BRINP1: variants seen among roughly 807,000 people sequenced by gnomAD.
BRINP1 encodes the protein BMP/retinoic acid inducible neural specific 1.
Under a neutral mutation model 72.9 loss-of-function variants are expected in BRINP1, and 17 were observed. The observed-to-expected ratio is 0.23, with a 90% confidence interval of 0.16 to 0.35. The LOEUF (loss-of-function observed/expected upper bound fraction) is 0.35, where lower values mean the gene tolerates loss of function less well. BRINP1 is among the 10% of genes least tolerant of loss of function. The probability of loss-of-function intolerance (pLI) is 1.00; values close to 1 mark genes in which losing one functional copy is unlikely to be tolerated. For missense variants in BRINP1, 850 were observed against 1,001.6 expected (o/e 0.85, Z 2.04); for synonymous variants, 418 against 378.5 (o/e 1.10, Z -1.21).
chr9:119,234,834 A>T (rs1333682170), intron 5 of BRINP1, among the ~76,000 whole-genome samples: 2 of 152,178 alleles, frequency 1.3e-5, no homozygotes, highest in Non-Finnish European at 2.9e-5. Context: ...CTGAACAGAC[A>T]GAATGAATCA....
At chr9:119,324,650 C>A (rs919264334) in intron 1 of BRINP1, among the ~76,000 whole-genome samples, 1 of 152,124 alleles carries the variant, frequency 6.6e-6, no homozygotes, top group Non-Finnish European at 1.5e-5. Context: ...TTAATGCTGA[C>A]CCTTGCTCTA....
chr9:119,318,059 T>A (rs565944859), intron 1 of BRINP1, among the ~76,000 whole-genome samples: 61 of 152,340 alleles, frequency 4.0e-4, no homozygotes, highest in African/African-American at 1.5e-3. Flanking sequence ...ATCTCTGAGA[T>A]ATGCCTGTAT....
intron 1 of BRINP1, among the ~76,000 whole-genome samples, chr9:119,339,504 C>T (rs2119021594): frequency 6.6e-6 from 1 of 152,298 alleles, no homozygotes; most frequent in Non-Finnish European, 1.5e-5. Flanking sequence ...TAGAACAATG[C>T]CTAGCACATA....
At position 119,352,026 on chromosome 9, in the gene BRINP1, G is replaced by A. The variant is rs546766149; in HGVS notation, c.-51+17030C>T. ...TTGGCCAGGCTGGTCTCGAACTCCCGACCTCAGATGATCCTTCTGCCTCAG... is the reference window on the plus strand; with the variant it reads ...TTGGCCAGGCTGGTCTCGAACTCCCAACCTCAGATGATCCTTCTGCCTCAG... On this transcript the variant is annotated intron_variant, in intron 1 of 7. Transcript: ENST00000265922. 2.6e-5 allele frequency among the ~76,000 whole-genome samples: 4 copies of A among 152,018 alleles called. 1 individual carries two copies. Among genetic ancestry groups the A allele is most frequent in the Admixed American group, 1.3e-4 (2 of 15,280 alleles).
chr9:119,210,120 A>G (rs1829907906), intron 6 of BRINP1, among the ~76,000 whole-genome samples: 1 of 152,222 alleles, frequency 6.6e-6, no homozygotes, highest in South Asian at 2.1e-4. Flanking sequence ...AACGTGGCTG[A>G]TAAATGACAA....
intron 7 of BRINP1, among the ~76,000 whole-genome samples, chr9:119,187,800 G>A (rs923223502): frequency 4.6e-5 from 7 of 152,132 alleles, no homozygotes; most frequent in East Asian, 3.9e-4. Flanking sequence ...AGGGAATATC[G>A]ACAGATAATT....
chr9:119,180,935 TA>T (rs1829549824), intron 7 of BRINP1, among the ~76,000 whole-genome samples: 1 of 152,146 alleles, frequency 6.6e-6, no homozygotes, highest in South Asian at 2.1e-4. Flanking sequence ...AGCATCAATG[TA>T]AAAAATCCAA....
At position 119,268,167 on chromosome 9, in the gene BRINP1, C is replaced by T. The variant is rs561633587; in HGVS notation, c.219-19017G>A. Reference sequence around the variant, plus strand: ...CTGAGGCCAGAGAATCACTTGTACCCGGAAGGTGGTGGTTGCAGTGAGCCA... The same window carrying T: ...CTGAGGCCAGAGAATCACTTGTACCTGGAAGGTGGTGGTTGCAGTGAGCCA... On this transcript the variant is annotated intron_variant, in intron 2 of 7. Coordinates refer to ENST00000265922, the MANE Select transcript of BRINP1 (RefSeq NM_014618.3). Among the ~76,000 whole-genome samples, 8 of 152,084 alleles carry T rather than the reference C, an allele frequency of 5.3e-5. No homozygotes were observed. The South Asian group carries it at 6.2e-4, about 12-fold the overall frequency.
At chr9:119,278,350 TAC>T (rs1240439823) in intron 2 of BRINP1, among the ~76,000 whole-genome samples, 3 of 152,340 alleles carry the variant, frequency 2.0e-5, no homozygotes, top group African/African-American at 7.2e-5. Context: ...AACCATTCCC[TAC>T]ACAGTCAGAG....
chr9:119,232,071 C>T (rs1830153296), intron 5 of BRINP1, among the ~76,000 whole-genome samples: 1 of 152,138 alleles, frequency 6.6e-6, no homozygotes, highest in Admixed American at 6.6e-5. Flanking sequence ...TCACATGTCC[C>T]ATCAAAACTG....
At chr9:119,174,067 A>ATGTC (rs1829451543) in intron 7 of BRINP1, among the ~76,000 whole-genome samples, 1 of 138,394 alleles carries the variant, frequency 7.2e-6, no homozygotes, top group South Asian at 2.2e-4. Flanking sequence ...CAAGGACTTC[A>ATGTC]TGTCTAAAAC....
At chr9:119,346,571 C>T (rs930801632) in intron 1 of BRINP1, among the ~76,000 whole-genome samples, 2 of 152,074 alleles carry the variant, frequency 1.3e-5, no homozygotes, top group Non-Finnish European at 2.9e-5. Flanking sequence ...TAAGAGCCAT[C>T]AGCCTGCCAG....
chr9:119,189,678 A>G (rs1013568455), intron 7 of BRINP1, among the ~76,000 whole-genome samples: 3 of 152,136 alleles, frequency 2.0e-5, no homozygotes, highest in African/African-American at 7.2e-5. Flanking sequence ...TAAAGTAAAT[A>G]TTAATGAACC....
chr9:119,358,784 C>G (rs1831599418), intron 1 of BRINP1, among the ~76,000 whole-genome samples: 1 of 152,278 alleles, frequency 6.6e-6, no homozygotes, highest in East Asian at 1.9e-4. Flanking sequence ...GATCCTATGT[C>G]TATATCTGGT....
At chr9:119,183,064 T>C (rs986776590) in intron 7 of BRINP1, among the ~76,000 whole-genome samples, 1 of 152,220 alleles carries the variant, frequency 6.6e-6, no homozygotes, top group Non-Finnish European at 1.5e-5. Flanking sequence ...CCTAGGCTAC[T>C]GCTAGGAACA....
chr9:119,191,882 G>T (rs1432145358), intron 7 of BRINP1, among the ~76,000 whole-genome samples: 1 of 151,642 alleles, frequency 6.6e-6, no homozygotes, highest in Non-Finnish European at 1.5e-5. Flanking sequence ...AAACAATATA[G>T]AACTGGCATA....
intron 7 of BRINP1, among the ~76,000 whole-genome samples, chr9:119,206,419 C>CAAAAA (rs56106482): frequency 1.4e-4 from 12 of 87,158 alleles, no homozygotes; most frequent in African/African-American, 3.5e-4. Context: ...GACTCCATCT[C>CAAAAA]AAAAAAAAAA....
chr9:119,184,715 C>G (rs1480338802), intron 7 of BRINP1, among the ~76,000 whole-genome samples: 1 of 152,094 alleles, frequency 6.6e-6, no homozygotes, highest in Non-Finnish European at 1.5e-5. Context: ...AGGCCTGGTC[C>G]CTGTGACAGA....
At chr9:119,335,922 T>C (rs1479498060) in intron 1 of BRINP1, among the ~76,000 whole-genome samples, 4 of 152,210 alleles carry the variant, frequency 2.6e-5, no homozygotes, top group Non-Finnish European at 2.9e-5. Context: ...GAGAAAGGGC[T>C]TTCCTTGAGA....
Sources: gnomAD v4.1 joint callset for allele counts (sites outside exome capture counted in the v4.1 genomes callset) on GRCh38, gnomAD v4.1.1 for gene constraint, MANE v1.5 for transcripts, NCBI Gene and HGNC (gene_info 2026-07-23, HGNC 2026-07-21) for gene names.